The following USP34 variants were observed in gnomAD, a reference collection of about 807,000 sequenced individuals.
USP34 encodes ubiquitin carboxyl-terminal hydrolase 34.
Under a neutral mutation model 460.3 loss-of-function variants are expected in USP34, and 70 were observed. The ratio of observed to expected loss-of-function variants is 0.15; its 90% CI spans 0.13 to 0.19. USP34 has a LOEUF of 0.19. Ranked by LOEUF, USP34 falls within the 10% of genes least tolerant of loss-of-function variation. USP34 has a pLI of 1.00. For synonymous variants in USP34, 1,647 were observed against 1,405.3 expected (o/e 1.17, Z -3.85); for missense variants, 3,985 against 4,236.2 (o/e 0.94, Z 1.65).
intron 10 of USP34, among the ~76,000 whole-genome samples, chr2:61,366,670 A>G (rs1692450861): frequency 6.6e-6 from 1 of 152,200 alleles, no homozygotes; most frequent in African/African-American, 2.4e-5. Context: ...GTTGCCAGAC[A>G]AGAGTTCCAT....
At chr2:61,204,900 A>G (rs1179210210) in intron 72 of USP34, among the ~76,000 whole-genome samples, 1 of 152,110 alleles carries the variant, frequency 6.6e-6, no homozygotes, top group Non-Finnish European at 1.5e-5. Flanking sequence ...TTGGTCTCCC[A>G]GGCTGGAGTG....
chr2:61,272,624 A>G (rs1689250566), intron 41 of USP34, among the ~76,000 whole-genome samples: 2 of 152,130 alleles, frequency 1.3e-5, no homozygotes, highest in Non-Finnish European at 2.9e-5. Flanking sequence ...CCCACAGACT[A>G]ATTTTCCAAC....
intron 1 of USP34, among the ~76,000 whole-genome samples, chr2:61,426,012 A>G (rs778968537): frequency 6.6e-6 from 1 of 151,936 alleles, no homozygotes; most frequent in Non-Finnish European, 1.5e-5. Flanking sequence ...ACATTTCTAC[A>G]CACACCCTGG....
At chr2:61,281,884 C>T (rs1215074676) in intron 37 of USP34, among the ~76,000 whole-genome samples, 1 of 152,172 alleles carries the variant, frequency 6.6e-6, no homozygotes, top group East Asian at 1.9e-4. Context: ...GAAGCAACTT[C>T]AATCGGAATA....
chr2:61,395,186 C>A lies in USP34; in HGVS notation c.600G>T (p.Met200Ile). 1 of 1,496,898 alleles carries A rather than the reference C, an allele frequency of 6.7e-7. No homozygotes were observed. The highest frequency in any genetic ancestry group is 1.2e-5 in the South Asian group (1 of 82,806). 92.7% of individuals were successfully genotyped at this position (1,496,898 alleles called of 1,614,324 possible). Reference protein sequence around the residue: ...ESNILGAFCDMNDVEVPLHLL... With the variant: ...ESNILGAFCDINDVEVPLHLL... ...AATAAAAAAGGTAAACACTTACATT[C>A]ATATCACAGAATGCCCCTAATATGT... is the stretch of plus-strand genomic sequence containing the variant. Residue 200 changes from methionine (M) to isoleucine (I), a missense_variant, in exon 4 of 80, where the codon ATG (methionine) becomes ATT (isoleucine). Transcript: ENST00000398571.
intron 10 of USP34, among the ~76,000 whole-genome samples, chr2:61,369,818 A>G (rs1692559293): frequency 6.6e-6 from 1 of 151,710 alleles, no homozygotes; most frequent in Non-Finnish European, 1.5e-5. Context: ...TGTGAAAAAG[A>G]AAGAGGAAGA....
chr2:61,290,239 C>T (rs184926398), intron 33 of USP34, among the ~76,000 whole-genome samples: 69 of 152,182 alleles, frequency 4.5e-4, no homozygotes, highest in African/African-American at 1.3e-3. Flanking sequence ...ATGAAATTCT[C>T]GTATGTTGCA....
Position 61,348,074 on chromosome 2 carries a change from G to A in USP34, c.2081C>T (p.Ala694Val). ...TTCTGGGTCTTCAGAGTGTGAACAA[G>A]CATCCAGCATTCGCATTCGATTATC... ...SVDNRMRMLD[A>V]CSHSEDPEHD... Residue 694 changes from alanine (A) to valine (V), a missense_variant, in exon 15 of 80, where the codon GCT becomes GTT. Around this residue, in one of 14 missense-constraint regions of USP34, gnomAD observed 716 missense variants for 626.2 expected, o/e 1.14. Coordinates refer to ENST00000398571, the MANE Select transcript of USP34 (RefSeq NM_014709.4). 2 of 1,614,188 alleles carry A rather than the reference G, an allele frequency of 1.2e-6. No individual in the cohort carries two copies. The highest frequency in any genetic ancestry group is 1.7e-6 in the Non-Finnish European group (2 of 1,180,038).
At chr2:61,306,731 C>A (rs1401164275) in intron 27 of USP34, among the ~76,000 whole-genome samples, 1 of 152,060 alleles carries the variant, frequency 6.6e-6, no homozygotes, top group Non-Finnish European at 1.5e-5. Flanking sequence ...TCATCACTGG[C>A]CATCAGAGAA....
At chr2:61,263,050 C>A (rs1688941158) in intron 43 of USP34, among the ~76,000 whole-genome samples, 1 of 151,968 alleles carries the variant, frequency 6.6e-6, no homozygotes, top group Non-Finnish European at 1.5e-5. Flanking sequence ...GCTCTGTCAC[C>A]CAGACTGGAA....
intron 41 of USP34, among the ~76,000 whole-genome samples, chr2:61,269,110 G>A (rs1689139429): frequency 6.6e-6 from 1 of 152,124 alleles, no homozygotes; most frequent in African/African-American, 2.4e-5. Flanking sequence ...TTCTGTGGGG[G>A]AATCAAGTGG....
At chr2:61,283,595 G>T in intron 35 of USP34, 146 bp from the exon 36 acceptor site, 1 of 739,964 alleles carries the variant, frequency 1.4e-6, no homozygotes, top group Non-Finnish European at 2.2e-6. Context: ...GAGAGTGAGA[G>T]TGAGAGAGAG....
intron 1 of USP34, among the ~76,000 whole-genome samples, chr2:61,437,922 T>C (rs910261786): frequency 3.3e-5 from 5 of 151,904 alleles, no homozygotes; most frequent in African/African-American, 1.2e-4. Context: ...CTACCAAATA[T>C]TTACAGAAGA....
In USP34 at chr2:61,211,858, T is replaced by A; in HGVS notation, c.8754A>T (p.Leu2918Phe). The A allele has an allele frequency of 6.2e-7, 1 of 1,610,846 alleles. No individual in the cohort carries two copies. The highest frequency in any genetic ancestry group is 8.5e-7 in the Non-Finnish European group (1 of 1,179,066). ...AQRPDMREEELEDIKQFKKTT... is the reference protein window; with the variant it reads ...AQRPDMREEEFEDIKQFKKTT... ...TTTTCTTGAACTGTTTAATATCTTC[T>A]AATTCTTCTTCTCTCATATCTGGCC... Residue 2918 changes from leucine (L) to phenylalanine (F), a missense_variant, in exon 69 of 80, where the codon TTA becomes TTT. Leu to Phe is a conservative substitution (Grantham distance 22, BLOSUM62 0). Around this residue, in one of 14 missense-constraint regions of USP34, gnomAD observed 275 missense variants for 292.7 expected, o/e 0.94. Transcript: ENST00000398571.
intron 27 of USP34, among the ~76,000 whole-genome samples, chr2:61,303,410 A>C (rs1690291372): frequency 1.3e-5 from 2 of 152,062 alleles, no homozygotes; most frequent in South Asian, 4.1e-4. Context: ...TACTTGATTT[A>C]GTGTCCTATT....
At chr2:61,190,906 A>G in intron 76 of USP34, 1 of 359,198 alleles carries the variant, frequency 2.8e-6, no homozygotes, top group East Asian at 5.0e-5. Flanking sequence ...GCCGAAACTG[A>G]ACAAATGTTT....
intron 10 of USP34, among the ~76,000 whole-genome samples, chr2:61,355,752 T>A (rs1053567140): frequency 3.9e-5 from 6 of 152,170 alleles, no homozygotes; most frequent in Non-Finnish European, 5.9e-5. Context: ...CACAAGTTTG[T>A]CCCTCTTTAT....
intron 5 of USP34, among the ~76,000 whole-genome samples, chr2:61,389,997 A>G (rs1245690029): frequency 6.6e-6 from 1 of 152,188 alleles, no homozygotes; most frequent in Non-Finnish European, 1.5e-5. Context: ...AGATATCAAA[A>G]AATATGTAAT....
chr2:61,300,979 G>A lies in USP34; in HGVS notation c.4100C>T (p.Ser1367Leu). The stretch of plus-strand genomic sequence containing the variant: ...ACTATCATCCACTGCCACTTTTCCT[G>A]AGGGTGGTTTAAATGATGCAAGCAT... ...LEMLASFKPPSGKVAVDDSES... is the reference protein window; with the variant it reads ...LEMLASFKPPLGKVAVDDSES... Residue 1367 changes from serine to leucine, a missense_variant, in exon 29 of 80, where the codon TCA becomes TTA. By Grantham distance (145) the Ser-to-Leu change is moderately radical. Around this residue, in one of 14 missense-constraint regions of USP34, gnomAD observed 1,114 missense variants for 1,122.5 expected, o/e 0.99. Transcript: ENST00000398571. The A allele has an allele frequency of 6.2e-7, 1 of 1,612,672 alleles. No homozygotes were observed. The highest frequency in any genetic ancestry group is 8.5e-7 in the Non-Finnish European group (1 of 1,179,594).
Sources: gnomAD v4.1 joint callset for allele counts (sites outside exome capture counted in the v4.1 genomes callset) on GRCh38, gnomAD v4.1.1 for gene constraint, gnomAD v4.1.1 regional missense constraint, MANE v1.5 for transcripts, NCBI Gene and HGNC (gene_info 2026-07-23, HGNC 2026-07-21) for gene names.